The following PABPC1 variants were observed in gnomAD, a reference collection of about 807,000 sequenced individuals.
The protein encoded by PABPC1 is poly(A) binding protein cytoplasmic 1.
PABPC1 carries 4 observed loss-of-function variants against 74.0 expected under a neutral mutation model. That is an observed-to-expected ratio of 0.05 (90% CI 0.03 to 0.12). The LOEUF is 0.12. Ranked by LOEUF, PABPC1 falls within the 10% of genes least tolerant of loss-of-function variation. PABPC1 has a pLI of 1.00. For synonymous variants in PABPC1, 227 were observed against 264.1 expected (o/e 0.86, Z 1.36); for missense variants, 271 against 821.1 (o/e 0.33, Z 8.19).
intron 11 of PABPC1, among the ~76,000 whole-genome samples, chr8:100,706,353 C>A (rs754927386): frequency 1.6e-4 from 24 of 152,174 alleles, no homozygotes; most frequent in Non-Finnish European, 2.8e-4. Context: ...TGTCACCCAG[C>A]AGGGATTACA....
rs1301292844 is a variant in PABPC1, at chr8:100,721,213, G to A, written c.193+178C>T. Among the ~76,000 whole-genome samples the A allele has an allele frequency of 6.6e-6, 1 of 151,610 alleles. No individual in the cohort carries two copies. Among genetic ancestry groups the A allele is most frequent in the East Asian group, 1.9e-4 (1 of 5,174 alleles). ...GGGCGTGTGGCTGCCGGCAGCGCGG[G>A]TCCCCGCCGGCTCGGGAAACGCGGC... On this transcript the variant is annotated intron_variant, in intron 1 of 14. Transcript: ENST00000318607. The surrounding 1 kb of genome is among the most constrained non-coding windows in gnomAD (Gnocchi z 7.4).
chr8:100,707,873 G>A (rs1444635965), intron 9 of PABPC1, among the ~76,000 whole-genome samples: 1 of 152,246 alleles, frequency 6.6e-6, no homozygotes, highest in Non-Finnish European at 1.5e-5. Flanking sequence ...CGTCTTCCCA[G>A]ACGCTGGCGT....
rs2129668736 is a variant in PABPC1 at position 100,705,068 on chromosome 8, A to C, written c.1688-12T>G. ...AAACAGCCGTTCACCTAGGAACAGAAACATTCAAAAACTCCCTTCAATAAA... is the reference window on the plus strand; with the variant it reads ...AAACAGCCGTTCACCTAGGAACAGACACATTCAAAAACTCCCTTCAATAAA... On this transcript the variant is annotated splice_polypyrimidine_tract_variant and intron_variant, in intron 12 of 14. Transcript: ENST00000318607. 3 of 1,598,462 alleles carry C rather than the reference A, an allele frequency of 1.9e-6. No homozygotes were observed. The East Asian group carries it at 6.7e-5, about 36-fold the overall frequency.
chr8:100,712,917 G>C (rs963012852), intron 5 of PABPC1, 128 bp from the exon 6 acceptor site: 2 of 1,214,880 alleles, frequency 1.6e-6, no homozygotes, highest in African/African-American at 3.1e-5. Context: ...AAATCTCAAG[G>C]TTTTGGGACA....
rs1305859680 is a variant in PABPC1 at position 100,721,033 on chromosome 8, C to T, written c.193+358G>A. ...TGGGAGCGCCTCCACCTCTTACCCA[C>T]GGAAGGAGCTCAGCGTTCAACGCCC... On this transcript the variant is annotated intron_variant, in intron 1 of 14. Coordinates refer to ENST00000318607, the MANE Select transcript of PABPC1 (RefSeq NM_002568.4). The surrounding 1 kb of genome is among the most constrained non-coding windows in gnomAD (Gnocchi z 7.4). 6.6e-6 allele frequency among the ~76,000 whole-genome samples: 1 copy of T among 152,194 alleles called. No homozygotes were observed. Among genetic ancestry groups the T allele is most frequent in the Non-Finnish European group, 1.5e-5 (1 of 68,036 alleles).
rs1312265536 is a variant in PABPC1 at position 100,706,645 on chromosome 8, C to T, written c.1602+6G>A. On this transcript the variant is annotated splice_donor_region_variant and intron_variant, in intron 11 of 14. Transcript: ENST00000318607. The stretch of plus-strand genomic sequence containing the variant: ...GATTTTTATTAAGAAATCATTAAAT[C>T]CATACCTGTTGCATTGTAACTTGTG... The T allele has an allele frequency of 6.8e-7, 1 of 1,471,328 alleles. No homozygotes were observed. The allele number at this position is 1,471,328 out of a possible 1,614,324, so 91.1% of individuals were successfully genotyped here.
At position 100,721,563 on chromosome 8, in the gene PABPC1, G is replaced by T; in HGVS notation, c.21C>A (p.Ser7Arg). The T allele has an allele frequency of 6.2e-7, 1 of 1,600,488 alleles. No individual in the cohort carries two copies. The highest frequency in any genetic ancestry group is 8.5e-7 in the Non-Finnish European group (1 of 1,171,578). Residue 7 changes from serine to arginine, a missense_variant, in exon 1 of 15, where the codon AGC becomes AGA. Ser to Arg is a moderately radical substitution (Grantham distance 110). Transcript: ENST00000318607. The surrounding 1 kb of genome is among the most constrained non-coding windows in gnomAD (Gnocchi z 7.4). Reference sequence around the variant, plus strand: ...CCACGTAGAGCGAGGCCATGGGGTAGCTGGGGGCACTGGGGTTCATCTCGG... The same window carrying T: ...CCACGTAGAGCGAGGCCATGGGGTATCTGGGGGCACTGGGGTTCATCTCGG... MNPSAP[S>R]YPMASLYVGD... is the part of the protein sequence containing the mutation.
At position 100,707,105 on chromosome 8, in the gene PABPC1, C is replaced by A. The variant is rs563941280; in HGVS notation, c.1337-108G>T. The A allele has an allele frequency of 8.4e-5, 64 of 762,760 alleles. No homozygotes were observed. The East Asian group carries it at 1.8e-3, about 21-fold the overall frequency. 47.2% of individuals were successfully genotyped at this position (762,760 alleles called of 1,614,324 possible). Reference sequence around the variant, plus strand: ...GTTTGCATAAAAGACTAAAAAGTGACAAAACTTTTTAAAGCTGAGTCTTAA... The same window carrying A: ...GTTTGCATAAAAGACTAAAAAGTGAAAAAACTTTTTAAAGCTGAGTCTTAA... On this transcript the variant is annotated intron_variant, in intron 9 of 14. Coordinates refer to ENST00000318607, the MANE Select transcript of PABPC1 (RefSeq NM_002568.4).
chr8:100,708,182 T>C (rs769690408), intron 9 of PABPC1, among the ~76,000 whole-genome samples: 12 of 152,240 alleles, frequency 7.9e-5, no homozygotes, highest in Non-Finnish European at 1.8e-4. Context: ...GTCTCTTGCC[T>C]TGGCACCTGG....
At chr8:100,719,792 T>C (rs1263789513) in intron 1 of PABPC1, among the ~76,000 whole-genome samples, 1 of 152,218 alleles carries the variant, frequency 6.6e-6, no homozygotes, top group Non-Finnish European at 1.5e-5. Context: ...TTCATTCCCA[T>C]GTTTTCTCCA....
At chr8:100,717,454 A>G (rs888314613) in intron 3 of PABPC1, among the ~76,000 whole-genome samples, 1 of 152,154 alleles carries the variant, frequency 6.6e-6, no homozygotes, top group Non-Finnish European at 1.5e-5. Context: ...TCACTAATGC[A>G]CTCATTTTGA....
intron 8 of PABPC1, 103 bp from the exon 9 acceptor site, chr8:100,709,326 C>G: frequency 6.8e-7 from 1 of 1,463,884 alleles, no homozygotes; most frequent in South Asian, 1.2e-5. Flanking sequence ...ACTTCACACT[C>G]AAGCATTTTT....
In PABPC1 at chr8:100,721,330, G is replaced by A. The variant is rs1467668798; in HGVS notation, c.193+61C>T. 11 of 735,024 alleles carry A rather than the reference G, an allele frequency of 1.5e-5. No individual in the cohort carries two copies. Among genetic ancestry groups the A allele is most frequent in the Non-Finnish European group, 1.9e-5 (11 of 569,412 alleles). 45.5% of individuals were successfully genotyped at this position (735,024 alleles called of 1,614,324 possible). A position where few individuals can be genotyped will look rare whatever the true frequency, so the allele number is the denominator to read the frequency against. ...GGCCCGCCGGCCTACCCCGCCCGCC[G>A]CCGCCGCCCGAGCCTCATGGCCGCC... On this transcript the variant is annotated intron_variant, in intron 1 of 14. Transcript: ENST00000318607. The surrounding 1 kb of genome is among the most constrained non-coding windows in gnomAD (Gnocchi z 7.4).
At position 100,721,931 on chromosome 8, in the gene PABPC1, A is replaced by G. The variant is rs1800334656; in HGVS notation, c.-348T>C. The G allele has an allele frequency of 4.5e-6, 1 of 223,244 alleles. No individual in the cohort carries two copies. The highest frequency in any genetic ancestry group is 9.3e-5 in the East Asian group (1 of 10,806). The allele number at this position is 223,244 out of a possible 1,614,324, so 13.8% of individuals were successfully genotyped here. ...TATAAAAGAGGAAGAAAAAAAATAAAAGTCTCCGGCGGGGGAGACGCGGAT... is the reference window on the plus strand; with the variant it reads ...TATAAAAGAGGAAGAAAAAAAATAAGAGTCTCCGGCGGGGGAGACGCGGAT... On this transcript the variant is annotated 5_prime_UTR_variant, in exon 1 of 15. Coordinates refer to ENST00000318607, the MANE Select transcript of PABPC1 (RefSeq NM_002568.4). The surrounding 1 kb of genome is among the most constrained non-coding windows in gnomAD (Gnocchi z 7.4).
chr8:100,718,763 A>G (rs1407860258), intron 1 of PABPC1, among the ~76,000 whole-genome samples: 1 of 152,228 alleles, frequency 6.6e-6, no homozygotes, highest in Non-Finnish European at 1.5e-5. Flanking sequence ...AATAACTAAC[A>G]ATATTATATG....
At chr8:100,716,415 C>T (rs1810670917) in intron 3 of PABPC1, among the ~76,000 whole-genome samples, 1 of 151,984 alleles carries the variant, frequency 6.6e-6, no homozygotes, top group South Asian at 2.1e-4. Flanking sequence ...ATAAAAAGAA[C>T]AACGATCACT....
chr8:100,721,295 C>T lies in PABPC1; in HGVS notation c.193+96G>A. On this transcript the variant is annotated intron_variant, in intron 1 of 14. Coordinates refer to ENST00000318607, the MANE Select transcript of PABPC1 (RefSeq NM_002568.4). The surrounding 1 kb of genome is among the most constrained non-coding windows in gnomAD (Gnocchi z 7.4). ...TCGCGGGGTGACATGCCCTCCCGCCCCCCTCCCCGGGCCCGCCGGCCTACC... is the reference window on the plus strand; with the variant it reads ...TCGCGGGGTGACATGCCCTCCCGCCTCCCTCCCCGGGCCCGCCGGCCTACC... The T allele has an allele frequency of 2.0e-6, 1 of 489,430 alleles. No individual in the cohort carries two copies. Among genetic ancestry groups the T allele is most frequent in the Non-Finnish European group, 2.8e-6 (1 of 358,972 alleles). 30.3% of individuals were successfully genotyped at this position (489,430 alleles called of 1,614,324 possible). A position where few individuals can be genotyped will look rare whatever the true frequency, so the allele number is the denominator to read the frequency against.
At chr8:100,704,823 G>A (rs2129667141) in intron 13 of PABPC1, 103 bp downstream of exon 13, 1 of 1,150,964 alleles carries the variant, frequency 8.7e-7, no homozygotes, top group Non-Finnish European at 1.3e-6. Flanking sequence ...AACTGTACAT[G>A]GCTTATATAT....
chr8:100,715,662 A>G, intron 3 of PABPC1, 61 bp from the exon 4 acceptor site: 1 of 1,251,208 alleles, frequency 8.0e-7, no homozygotes. Context: ...AGATTAAGTA[A>G]GCCTGATGGT....
Sources: gnomAD v4.1 joint callset for allele counts (sites outside exome capture counted in the v4.1 genomes callset) on GRCh38, gnomAD v4.1.1 for gene constraint, Gnocchi (gnomAD v3.1) non-coding constraint, MANE v1.5 for transcripts, NCBI Gene and HGNC (gene_info 2026-07-23, HGNC 2026-07-21) for gene names.